Variants in TENT5C observed in about 807,000 individuals in gnomAD.
The protein encoded by TENT5C is terminal nucleotidyltransferase 5C, also known as family with sequence similarity 46 member C.
In TENT5C, 5 loss-of-function variants were observed where a neutral mutation model predicts 22.2. The ratio of observed to expected loss-of-function variants is 0.22; its 90% CI spans 0.12 to 0.47. The LOEUF is 0.47. TENT5C is among the 20% of genes least tolerant of loss of function. TENT5C has a pLI of 0.99. For missense variants in TENT5C, 364 were observed against 500.9 expected, an observed-to-expected ratio of 0.73 and a Z score of 2.61; for synonymous variants, 199 against 195.4, an observed-to-expected ratio of 1.02 and a Z score of -0.15.
At position 117,624,100 on chromosome 1, in the gene TENT5C, G is replaced by A; in HGVS notation, c.*56G>A. The A allele has an allele frequency of 4.2e-6, 6 of 1,430,566 alleles. No individual in the cohort carries two copies. Among genetic ancestry groups the A allele is most frequent in the Non-Finnish European group, 5.7e-6 (6 of 1,054,844 alleles). 88.6% of individuals were successfully genotyped at this position (1,430,566 alleles called of 1,614,324 possible). On this transcript the variant is annotated 3_prime_UTR_variant, in exon 2 of 2. Transcript: ENST00000369448. ...ACCCCAATAGGGCTAGGGCTCTCAG[G>A]TAGGGGAGCCTCCTTCTAGATGTAG... is the stretch of plus-strand genomic sequence containing the variant.
At chr1:117,612,594 T>C (rs1653693581) in intron 1 of TENT5C, among the ~76,000 whole-genome samples, 1 of 152,222 alleles carries the variant, frequency 6.6e-6, no homozygotes. Flanking sequence ...GAGCTGCTGC[T>C]ATGCGCAGTA....
At chr1:117,614,581 G>C (rs1653741311) in intron 1 of TENT5C, among the ~76,000 whole-genome samples, 1 of 152,116 alleles carries the variant, frequency 6.6e-6, no homozygotes, top group African/African-American at 2.4e-5. Context: ...CCATTTCTCT[G>C]TAGCTCCAGT....
chr1:117,618,005 T>G (rs1234025151), intron 1 of TENT5C, among the ~76,000 whole-genome samples: 2 of 152,242 alleles, frequency 1.3e-5, no homozygotes, highest in African/African-American at 2.4e-5. Flanking sequence ...GAACTCAGCT[T>G]AAATTTGTGT....
chr1:117,620,803 AG>A (rs2101078522), intron 1 of TENT5C, among the ~76,000 whole-genome samples: 1 of 152,242 alleles, frequency 6.6e-6, no homozygotes, highest in Non-Finnish European at 1.5e-5. Context: ...TGATGATCTG[AG>A]GGTGAAACAG....
At position 117,624,586 on chromosome 1, in the gene TENT5C, G is replaced by A. The variant is rs1002726648; in HGVS notation, c.*542G>A. On this transcript the variant is annotated 3_prime_UTR_variant, in exon 2 of 2. Coordinates refer to ENST00000369448, the MANE Select transcript of TENT5C (RefSeq NM_017709.4). The stretch of plus-strand genomic sequence containing the variant: ...TTGTTCAAGGGACTAAATTGCTTAT[G>A]TTTATTCCCTGTCAGCGGAGTGGAG... The A allele has an allele frequency of 4.0e-6, 1 of 248,904 alleles. No individual in the cohort carries two copies. The highest frequency in any genetic ancestry group is 2.2e-5 in the African/African-American group (1 of 45,454). The allele number at this position is 248,904 out of a possible 1,614,324, so 15.4% of individuals were successfully genotyped here. A position where few individuals can be genotyped will look rare whatever the true frequency, so the allele number is the denominator to read the frequency against.
chr1:117,624,387 C>T lies in TENT5C; in HGVS notation c.*343C>T, dbSNP rs764307344. 4.9e-5 allele frequency: 15 copies of T among 305,426 alleles called. No individual in the cohort carries two copies. The highest frequency in any genetic ancestry group is 1.2e-4 in the South Asian group (1 of 8,360). The allele number at this position is 305,426 out of a possible 1,614,324, so 18.9% of individuals were successfully genotyped here. ...ATCGAGATTGGGAGAATTTGGGCAGCGCGTGAGAAGTGCTAAGCTACTTGT... is the reference window on the plus strand; with the variant it reads ...ATCGAGATTGGGAGAATTTGGGCAGTGCGTGAGAAGTGCTAAGCTACTTGT... On this transcript the variant is annotated 3_prime_UTR_variant, in exon 2 of 2. Transcript: ENST00000369448.
Position 117,625,898 on chromosome 1 carries a change from T to C in TENT5C, c.*1854T>C, listed in dbSNP as rs1281532599. The C allele has an allele frequency of 4.0e-6, 1 of 247,866 alleles. No homozygotes were observed. The highest frequency in any genetic ancestry group is 8.5e-6 in the Non-Finnish European group (1 of 118,008). 15.4% of individuals were successfully genotyped at this position (247,866 alleles called of 1,614,324 possible). A position where few individuals can be genotyped will look rare whatever the true frequency, so the allele number is the denominator to read the frequency against. On this transcript the variant is annotated 3_prime_UTR_variant, in exon 2 of 2. Transcript: ENST00000369448. The stretch of plus-strand genomic sequence containing the variant: ...TTAGTGTAATCAGCTCCTGTTTCCC[T>C]GTGAGCCTTAGTTATATTTTAATTC...
At chr1:117,607,482 T>A (rs1205191941) in intron 1 of TENT5C, among the ~76,000 whole-genome samples, 3 of 152,226 alleles carry the variant, frequency 2.0e-5, no homozygotes, top group African/African-American at 7.2e-5. Flanking sequence ...GACAACTTGG[T>A]CTTCAGGTTA....
chr1:117,609,789 G>T (rs890855064), intron 1 of TENT5C, among the ~76,000 whole-genome samples: 5 of 152,184 alleles, frequency 3.3e-5, no homozygotes, highest in Non-Finnish European at 4.4e-5. Flanking sequence ...GCACACAGAA[G>T]GTGTTCTGTC....
chr1:117,614,824 T>C (rs1653747233), intron 1 of TENT5C, among the ~76,000 whole-genome samples: 1 of 152,164 alleles, frequency 6.6e-6, no homozygotes, highest in Non-Finnish European at 1.5e-5. Flanking sequence ...TATTACTAGT[T>C]CAGCAAGGCG....
In TENT5C at chr1:117,624,073, GA is replaced by G; in HGVS notation, c.*31del. 1.3e-6 allele frequency: 2 copies of G among 1,574,632 alleles called. No individual in the cohort carries two copies. Among genetic ancestry groups the G allele is most frequent in the African/African-American group, 1.3e-5 (1 of 74,246 alleles). ...TGAGACCTGAGGGTTTCCACAGTGG[GA>G]ACCCCAATAGGGCTAGGGCTCTCAG... On this transcript the variant is annotated 3_prime_UTR_variant, in exon 2 of 2. Transcript: ENST00000369448.
At chr1:117,617,005 CAAAATA>C (rs1653795672) in intron 1 of TENT5C, among the ~76,000 whole-genome samples, 1 of 152,142 alleles carries the variant, frequency 6.6e-6, no homozygotes, top group South Asian at 2.1e-4. Context: ...ATGCCAGGCA[CAAAATA>C]AGAATTAATG....
intron 1 of TENT5C, among the ~76,000 whole-genome samples, chr1:117,608,804 G>T (rs1358022347): frequency 6.7e-6 from 1 of 150,016 alleles, no homozygotes; most frequent in Non-Finnish European, 1.5e-5. Flanking sequence ...AGTCGTGGAA[G>T]CCCAAAACTA....
At chr1:117,615,504 G>A (rs529145626) in intron 1 of TENT5C, among the ~76,000 whole-genome samples, 10 of 152,334 alleles carry the variant, frequency 6.6e-5, no homozygotes, top group Non-Finnish European at 1.2e-4. Context: ...CTGTTTTACT[G>A]CCTATTTGTG....
Position 117,624,933 on chromosome 1 carries a change from A to G in TENT5C, c.*889A>G, listed in dbSNP as rs1347899219. On this transcript the variant is annotated 3_prime_UTR_variant, in exon 2 of 2. Coordinates refer to ENST00000369448, the MANE Select transcript of TENT5C (RefSeq NM_017709.4). ...TCCTCATCAGCTCTTTCATGGCTGA[A>G]TTTTGTTTTATTCTTCCTAAGACTG... 1 of 247,200 alleles carries G rather than the reference A, an allele frequency of 4.0e-6. No homozygotes were observed. Among genetic ancestry groups the G allele is most frequent in the African/African-American group, 2.2e-5 (1 of 45,094 alleles). The allele number at this position is 247,200 out of a possible 1,614,324, so 15.3% of individuals were successfully genotyped here.
intron 1 of TENT5C, among the ~76,000 whole-genome samples, chr1:117,607,821 CTT>C (rs1653575114): frequency 6.6e-6 from 1 of 152,148 alleles, no homozygotes; most frequent in South Asian, 2.1e-4. Context: ...AGAATGCTGA[CTT>C]TTCTCTGGGC....
At position 117,624,095 on chromosome 1, in the gene TENT5C, C is replaced by T. The variant is rs780445186; in HGVS notation, c.*51C>T. On this transcript the variant is annotated 3_prime_UTR_variant, in exon 2 of 2. Transcript: ENST00000369448. ...TGGGAACCCCAATAGGGCTAGGGCT[C>T]TCAGGTAGGGGAGCCTCCTTCTAGA... 2.0e-6 allele frequency: 3 copies of T among 1,483,346 alleles called. No individual in the cohort carries two copies. Among genetic ancestry groups the T allele is most frequent in the African/African-American group, 2.8e-5 (2 of 71,558 alleles). The allele number at this position is 1,483,346 out of a possible 1,614,324, so 91.9% of individuals were successfully genotyped here.
rs758089123 is a variant in TENT5C, at chr1:117,622,956, A to T, written c.88A>T (p.Thr30Ser). 7 of 1,614,090 alleles carry T rather than the reference A, an allele frequency of 4.3e-6. No individual in the cohort carries two copies. The highest frequency in any genetic ancestry group is 5.9e-6 in the Non-Finnish European group (7 of 1,180,044). ...DQVSRLHEVL[T>S]EVVPIHGRGN... ...GGTTAGCCGGCTGCATGAGGTCCTC[A>T]CTGAAGTTGTACCTATCCACGGACG... Residue 30 changes from threonine to serine, a missense_variant, in exon 2 of 2, where the codon ACT becomes TCT. By Grantham distance (58) the Thr-to-Ser change is moderately conservative. This residue lies in a region of TENT5C where 303 missense variants were observed against 394.5 expected (regional missense o/e 0.77). Coordinates refer to ENST00000369448, the MANE Select transcript of TENT5C (RefSeq NM_017709.4).
intron 1 of TENT5C, among the ~76,000 whole-genome samples, chr1:117,621,162 G>A (rs1299715069): frequency 6.6e-6 from 1 of 151,958 alleles, no homozygotes. Context: ...AGGCACTTTT[G>A]TCTTCCCCTC....
Sources: allele counts gnomAD v4.1 joint callset (sites outside exome capture counted in the v4.1 genomes callset), GRCh38; gene constraint gnomAD v4.1.1; regional missense constraint gnomAD v4.1.1; transcripts MANE v1.5; gene names NCBI Gene and HGNC (gene_info 2026-07-23, HGNC 2026-07-21).